The following PUM1 variants were observed in gnomAD, a reference collection of about 807,000 sequenced individuals.
The protein encoded by PUM1 is pumilio homolog 1.
A neutral mutation model predicts 131.8 loss-of-function variants in PUM1; 13 were observed. The ratio of observed to expected loss-of-function variants is 0.10; its 90% CI spans 0.06 to 0.16. The LOEUF (loss-of-function observed/expected upper bound fraction) is 0.16. Among genes scored for constraint, PUM1 ranks in the 10% least tolerant of loss-of-function variants. The pLI, the probability that PUM1 is intolerant of heterozygous loss-of-function variation, is 1.00. For synonymous variants in PUM1, 509 were observed against 556.5 expected, an observed-to-expected ratio of 0.91 and a Z score of 1.20; for missense variants, 961 against 1,512.4, an observed-to-expected ratio of 0.64 and a Z score of 6.05.
At chr1:30,942,615 G>A (rs1409054055) in intron 18 of PUM1, among the ~76,000 whole-genome samples, 2 of 152,100 alleles carry the variant, frequency 1.3e-5, no homozygotes, top group Non-Finnish European at 2.9e-5. Flanking sequence ...TGGGTTTGGA[G>A]CAATAGAAAA....
At chr1:30,962,891 G>C (rs923788517) in intron 14 of PUM1, among the ~76,000 whole-genome samples, 2 of 151,972 alleles carry the variant, frequency 1.3e-5, no homozygotes, top group African/African-American at 4.8e-5. Context: ...AACTTAGCAG[G>C]TTCAGTTTAT....
chr1:30,984,629 T>C (rs943981434), intron 7 of PUM1, among the ~76,000 whole-genome samples: 2 of 152,206 alleles, frequency 1.3e-5, no homozygotes, highest in Non-Finnish European at 2.9e-5. Flanking sequence ...TAATAAATAC[T>C]GAAGGCATAG....
chr1:30,955,562 G>C (rs1398302884), intron 14 of PUM1, among the ~76,000 whole-genome samples: 1 of 151,798 alleles, frequency 6.6e-6, no homozygotes, highest in African/African-American at 2.4e-5. Flanking sequence ...AAGATGCCAA[G>C]CCTTTCTGGG....
At chr1:31,009,166 G>C (rs553693167) in intron 3 of PUM1, among the ~76,000 whole-genome samples, 1 of 150,536 alleles carries the variant, frequency 6.6e-6, no homozygotes, top group East Asian at 2.0e-4. Context: ...CTGGGCAACA[G>C]AGCGAGACTC....
At chr1:31,011,359 A>T (rs1642613382) in intron 3 of PUM1, among the ~76,000 whole-genome samples, 1 of 152,236 alleles carries the variant, frequency 6.6e-6, no homozygotes, top group South Asian at 2.1e-4. Flanking sequence ...TTTAAATGTA[A>T]GTGATGAAAC....
intron 7 of PUM1, among the ~76,000 whole-genome samples, chr1:30,989,811 T>C (rs771016922): frequency 6.6e-5 from 10 of 152,152 alleles, no homozygotes; most frequent in Non-Finnish European, 1.2e-4. Flanking sequence ...ATGAAAGATA[T>C]GGTTGGCTAC....
chr1:31,065,590 G>C, intron 1 of PUM1, 26 bp downstream of exon 1: 1 of 1,542,416 alleles, frequency 6.5e-7, no homozygotes, highest in Non-Finnish European at 8.7e-7. Context: ...AGCAGCGTTT[G>C]GGGCCGGTGG....
At position 31,036,082 on chromosome 1, in the gene PUM1, T is replaced by C. The variant is rs199514768; in HGVS notation, c.364-7218A>G. 5.0e-5 allele frequency among the ~76,000 whole-genome samples: 7 copies of C among 141,084 alleles called. No homozygotes were observed. In the East Asian group the frequency reaches 1.4e-3, roughly 28 times the overall value. The allele number at this position is 141,084 out of a possible 152,430, so 92.6% of individuals were successfully genotyped here. The stretch of plus-strand genomic sequence containing the variant: ...GAAATAGAATTCAAACTCAAGTTTG[T>C]TTTTTTTTTTTTAGTCTCACTCTGT... On this transcript the variant is annotated intron_variant, in intron 2 of 21. Coordinates refer to ENST00000426105, the MANE Select transcript of PUM1 (RefSeq NM_001020658.2).
At chr1:30,934,402 G>A (rs1032902337) in intron 21 of PUM1, among the ~76,000 whole-genome samples, 9 of 152,170 alleles carry the variant, frequency 5.9e-5, no homozygotes, top group Admixed American at 5.2e-4. Context: ...TCCAGGTTGA[G>A]AGCTCCATGA....
intron 9 of PUM1, among the ~76,000 whole-genome samples, chr1:30,978,631 T>C (rs1176249497): frequency 6.6e-6 from 1 of 152,248 alleles, no homozygotes; most frequent in African/African-American, 2.4e-5. Flanking sequence ...TGAACTTGAC[T>C]TGGAGGGATC....
At chr1:31,003,568 C>A (rs1357495915) in intron 5 of PUM1, among the ~76,000 whole-genome samples, 1 of 152,040 alleles carries the variant, frequency 6.6e-6, no homozygotes, top group Admixed American at 6.6e-5. Flanking sequence ...ACCAGCCTGG[C>A]CAACATGGGG....
At chr1:31,049,827 T>A (rs1274593508) in intron 2 of PUM1, among the ~76,000 whole-genome samples, 1 of 117,400 alleles carries the variant, frequency 8.5e-6, no homozygotes, top group Non-Finnish European at 1.7e-5. Flanking sequence ...AACTTCCTTT[T>A]TTTTTTTTTT....
chr1:30,951,406 T>C (rs974079205), intron 16 of PUM1, among the ~76,000 whole-genome samples: 23 of 152,196 alleles, frequency 1.5e-4, no homozygotes, highest in African/African-American at 5.3e-4. Flanking sequence ...CTTGGGAAGG[T>C]AAAACTTGAG....
At chr1:30,967,340 A>T in intron 11 of PUM1, 30 bp from the exon 12 acceptor site, 1 of 1,598,940 alleles carries the variant, frequency 6.3e-7, no homozygotes. Context: ...AAAGAAATGT[A>T]TATGTTAAAC....
intron 14 of PUM1, among the ~76,000 whole-genome samples, chr1:30,957,869 C>A (rs757850313): frequency 6.6e-6 from 1 of 152,184 alleles, no homozygotes; most frequent in Non-Finnish European, 1.5e-5. Context: ...AAAATAAGTT[C>A]TCTCCAATTC....
intron 10 of PUM1, among the ~76,000 whole-genome samples, chr1:30,973,336 T>A (rs949621489): frequency 1.3e-5 from 2 of 152,132 alleles, no homozygotes; most frequent in Admixed American, 1.3e-4. Context: ...ATTTAATATA[T>A]TCATATATGA....
In PUM1 at chr1:31,041,333, T is replaced by C. The variant is rs184292195; in HGVS notation, c.364-12469A>G. Reference sequence around the variant, plus strand: ...CTCAAGTGATCCTCCCACCTTGGCCTCCCAAAGTGCTAGGATTACAGGCAT... The same window carrying C: ...CTCAAGTGATCCTCCCACCTTGGCCCCCCAAAGTGCTAGGATTACAGGCAT... On this transcript the variant is annotated intron_variant, in intron 2 of 21. Transcript: ENST00000426105. Among the ~76,000 whole-genome samples, 1,098 of 150,454 alleles carry C rather than the reference T, an allele frequency of 7.3e-3. 8 individuals are homozygous for C. The highest frequency in any genetic ancestry group is 0.012 in the Non-Finnish European group (811 of 67,768).
At chr1:30,983,946 G>A (rs951716669) in intron 7 of PUM1, among the ~76,000 whole-genome samples, 3 of 152,002 alleles carry the variant, frequency 2.0e-5, no homozygotes, top group Non-Finnish European at 4.4e-5. Context: ...TTATGTATGT[G>A]TACTGTATCT....
intron 21 of PUM1, 99 bp from the exon 22 acceptor site, chr1:30,933,441 C>CACACAT (rs1639047833): frequency 6.8e-5 from 10 of 146,928 alleles, no homozygotes; most frequent in African/African-American, 4.7e-4. Flanking sequence ...CACACACATA[C>CACACAT]ACACACACAC....
Sources: allele counts gnomAD v4.1 joint callset (sites outside exome capture counted in the v4.1 genomes callset), GRCh38; gene constraint gnomAD v4.1.1; transcripts MANE v1.5; gene names NCBI Gene and HGNC (gene_info 2026-07-23, HGNC 2026-07-21).